Variants in RUNDC3A observed in about 807,000 individuals in gnomAD.
The protein encoded by RUNDC3A is RUN domain containing 3A, also known as RUN domain-containing protein 3A.
RUNDC3A carries 28 observed loss-of-function variants against 53.9 expected under a neutral mutation model. The ratio of observed to expected loss-of-function variants is 0.52; its 90% confidence interval spans 0.38 to 0.71. The LOEUF (loss-of-function observed/expected upper bound fraction) is 0.71, where lower values mean the gene tolerates loss of function less well. RUNDC3A is among the 30% of genes least tolerant of loss of function. The pLI is 0.00. For missense variants in RUNDC3A, 491 were observed against 597.3 expected, an observed-to-expected ratio of 0.82 and a Z score of 1.85; for synonymous variants, 232 against 249.4, an observed-to-expected ratio of 0.93 and a Z score of 0.66.
chr17:44,314,631 C>G (rs2047815732), intron 4 of RUNDC3A, 104 bp from the exon 5 acceptor site: 1 of 1,496,222 alleles, frequency 6.7e-7, no homozygotes, highest in Non-Finnish European at 8.9e-7. Context: ...GAGAATTGGC[C>G]TTCCTTCAGG....
chr17:44,308,754 C>G lies in RUNDC3A; in HGVS notation c.-79C>G. The G allele has an allele frequency of 1.0e-6, 1 of 973,826 alleles. No homozygotes were observed. The highest frequency in any genetic ancestry group is 1.5e-6 in the Non-Finnish European group (1 of 665,010). 60.3% of individuals were successfully genotyped at this position (973,826 alleles called of 1,614,324 possible). On this transcript the variant is annotated 5_prime_UTR_variant, in exon 1 of 11. Transcript: ENST00000426726. ...GGGCCCCGTCGGACAGAGGGCCCAG[C>G]CGTGATCCAGCGACGGGTTTGGGGC...
chr17:44,316,415 T>C lies in RUNDC3A; in HGVS notation c.984T>C (p.Pro328=). The C allele has an allele frequency of 6.2e-7, 1 of 1,613,598 alleles. No individual in the cohort carries two copies. Among genetic ancestry groups the C allele is most frequent in the Non-Finnish European group, 8.5e-7 (1 of 1,179,754 alleles). ...LTGLIPSDHA[P]LAQGSKELTT... ...GTCTGATCCCCAGTGACCACGCCCC[T>C]CTGGCCCAGGGTTCCAAGGAGCTCA... is the stretch of plus-strand genomic sequence containing the variant. Residue 328 remains proline, a synonymous_variant, in exon 9 of 11, where the codon CCT becomes CCC. Coordinates refer to ENST00000426726, the MANE Select transcript of RUNDC3A (RefSeq NM_001144825.2).
Position 44,313,261 on chromosome 17 carries a change from C to A in RUNDC3A, c.372+9C>A. ...GCACAGCCCGGGCCAAGGTGAGGGG[C>A]CTGAAGCAAGCAACTGCTCTCTGCT... On this transcript the variant is annotated intron_variant, in intron 3 of 10. Coordinates refer to ENST00000426726, the MANE Select transcript of RUNDC3A (RefSeq NM_001144825.2). 3 of 1,613,652 alleles carry A rather than the reference C, an allele frequency of 1.9e-6. No individual in the cohort carries two copies. The highest frequency in any genetic ancestry group is 2.5e-6 in the Non-Finnish European group (3 of 1,179,636).
At position 44,318,558 on chromosome 17, in the gene RUNDC3A, T is replaced by C. The variant is rs2047921964; in HGVS notation, c.*320T>C. On this transcript the variant is annotated 3_prime_UTR_variant, in exon 11 of 11. Coordinates refer to ENST00000426726, the MANE Select transcript of RUNDC3A (RefSeq NM_001144825.2). ...CCCCTCAGGAACTGGTGGCCCAGCT[T>C]CCACACCCCCACCTCCCAGTCTCTA... is the stretch of plus-strand genomic sequence containing the variant. 1 of 333,976 alleles carries C rather than the reference T, an allele frequency of 3.0e-6. No individual in the cohort carries two copies. The highest frequency in any genetic ancestry group is 4.1e-5 in the Admixed American group (1 of 24,366). 20.7% of individuals were successfully genotyped at this position (333,976 alleles called of 1,614,324 possible).
intron 1 of RUNDC3A, chr17:44,311,438 G>C: frequency 1.3e-6 from 1 of 750,860 alleles, no homozygotes; most frequent in South Asian, 6.1e-5. Flanking sequence ...CAACCTCTTG[G>C]ACCATCAATT....
intron 1 of RUNDC3A, chr17:44,310,640 T>A: frequency 1.1e-6 from 1 of 939,222 alleles, no homozygotes; most frequent in Non-Finnish European, 1.3e-6. Flanking sequence ...TAGCAGGCCA[T>A]GGGCTCCCCT....
In RUNDC3A at chr17:44,308,687, C is replaced by T; in HGVS notation, c.-146C>T. On this transcript the variant is annotated 5_prime_UTR_variant, in exon 1 of 11. Transcript: ENST00000426726. ...CGGGGGAGGGAGCGAGGGGGCCGGG[C>T]ACCGGGCGCAAAGGCAGGGGGATGG... 1 of 477,672 alleles carries T rather than the reference C, an allele frequency of 2.1e-6. No individual in the cohort carries two copies. Among genetic ancestry groups the T allele is most frequent in the Non-Finnish European group, 3.7e-6 (1 of 273,934 alleles). The allele number at this position is 477,672 out of a possible 1,614,324, so 29.6% of individuals were successfully genotyped here. A position where few individuals can be genotyped will look rare whatever the true frequency, so the allele number is the denominator to read the frequency against.
At chr17:44,316,814 CTT>C in intron 10 of RUNDC3A, 89 bp downstream of exon 10, 1 of 578,466 alleles carries the variant, frequency 1.7e-6, no homozygotes, top group South Asian at 2.2e-5. Context: ...CATTCATTCT[CTT>C]AGTCTTTTTT....
intron 1 of RUNDC3A, among the ~76,000 whole-genome samples, chr17:44,309,324 C>A (rs954199146): frequency 6.6e-6 from 1 of 152,154 alleles, no homozygotes; most frequent in Non-Finnish European, 1.5e-5. Flanking sequence ...AGCATACCCT[C>A]ATTGACACCC....
Position 44,315,663 on chromosome 17 carries a change from CG to C in RUNDC3A, c.953+57del, listed in dbSNP as rs2047848317. 2 of 1,317,534 alleles carry C rather than the reference CG, an allele frequency of 1.5e-6. No individual in the cohort carries two copies. Among genetic ancestry groups the C allele is most frequent in the African/African-American group, 3.1e-5 (2 of 64,532 alleles). 81.6% of individuals were successfully genotyped at this position (1,317,534 alleles called of 1,614,324 possible). A position where few individuals can be genotyped will look rare whatever the true frequency, so the allele number is the denominator to read the frequency against. On this transcript the variant is annotated intron_variant, in intron 8 of 10. Transcript: ENST00000426726. The surrounding 1 kb of genome is among the most constrained non-coding windows in gnomAD (Gnocchi z 6.1). ...ACCCCCGCCGCCCCGACCACATCACCGGGTGAACCCCATCTTCACTTCCATC... is the reference window on the plus strand; with the variant it reads ...ACCCCCGCCGCCCCGACCACATCACCGGTGAACCCCATCTTCACTTCCATC...
intron 10 of RUNDC3A, chr17:44,317,859 G>GT: frequency 1.7e-6 from 1 of 593,792 alleles, no homozygotes; most frequent in South Asian, 2.0e-5. Context: ...CAAAGAGAGA[G>GT]GATGACCCTC....
Position 44,315,679 on chromosome 17 carries a change from T to C in RUNDC3A, c.953+70T>C. 1 of 1,280,002 alleles carries C rather than the reference T, an allele frequency of 7.8e-7. No individual in the cohort carries two copies. The highest frequency in any genetic ancestry group is 1.0e-6 in the Non-Finnish European group (1 of 986,372). 79.3% of individuals were successfully genotyped at this position (1,280,002 alleles called of 1,614,324 possible). On this transcript the variant is annotated intron_variant, in intron 8 of 10. Transcript: ENST00000426726. This position sits in a 1 kb window ranked among gnomAD's most constrained non-coding sequence, Gnocchi z 6.1. The stretch of plus-strand genomic sequence containing the variant: ...CCACATCACCGGGTGAACCCCATCT[T>C]CACTTCCATCGACTCTAACATCACC...
At chr17:44,317,392 C>CT in intron 10 of RUNDC3A, 2 of 770,964 alleles carry the variant, frequency 2.6e-6, no homozygotes, top group Non-Finnish European at 4.9e-6. Flanking sequence ...CTCACAAACT[C>CT]TCGGGGAACT....
rs2047849767 is a variant in RUNDC3A at position 44,315,721 on chromosome 17, C to T, written c.953+112C>T. The T allele has an allele frequency of 2.9e-6, 3 of 1,019,440 alleles. No individual in the cohort carries two copies. The highest frequency in any genetic ancestry group is 3.9e-6 in the Non-Finnish European group (3 of 761,972). 63.1% of individuals were successfully genotyped at this position (1,019,440 alleles called of 1,614,324 possible). On this transcript the variant is annotated intron_variant, in intron 8 of 10. Coordinates refer to ENST00000426726, the MANE Select transcript of RUNDC3A (RefSeq NM_001144825.2). The surrounding 1 kb of genome is among the most constrained non-coding windows in gnomAD (Gnocchi z 6.1). The stretch of plus-strand genomic sequence containing the variant: ...AACATCACCCGACACGAGCACCCAC[C>T]TCTCCAGCATCAACCCTCTGATCCA...
At chr17:44,314,611 G>C (rs1033887074) in intron 4 of RUNDC3A, 124 bp from the exon 5 acceptor site, 163 of 1,472,240 alleles carry the variant, frequency 1.1e-4, no homozygotes, top group Admixed American at 6.8e-5. Flanking sequence ...CCTGCGTGCA[G>C]ATCAGGAAGG....
chr17:44,317,203 A>G (rs997181369), intron 10 of RUNDC3A: 1 of 558,464 alleles, frequency 1.8e-6, no homozygotes, highest in Admixed American at 3.1e-5. Flanking sequence ...TTGAGGTGGC[A>G]GAACACAGCA....
chr17:44,311,288 G>A (rs936848009), intron 1 of RUNDC3A: 5 of 985,408 alleles, frequency 5.1e-6, no homozygotes, highest in African/African-American at 3.5e-5. Context: ...GGGCGGTGGA[G>A]CAGGGGCTGC....
chr17:44,317,909 T>A (rs985822273), intron 10 of RUNDC3A, 187 bp from the exon 11 acceptor site: 13 of 605,026 alleles, frequency 2.1e-5, no homozygotes, highest in Non-Finnish European at 3.5e-5. Flanking sequence ...TACAATACAG[T>A]GTCCCCAGCA....
At chr17:44,309,309 C>G (rs1016925899) in intron 1 of RUNDC3A, among the ~76,000 whole-genome samples, 1 of 152,162 alleles carries the variant, frequency 6.6e-6, no homozygotes, top group African/African-American at 2.4e-5. Flanking sequence ...GATGAATGCC[C>G]TCCAAGCATA....
Sources: allele counts gnomAD v4.1 joint callset (sites outside exome capture counted in the v4.1 genomes callset), GRCh38; gene constraint gnomAD v4.1.1; non-coding constraint Gnocchi (gnomAD v3.1); transcripts MANE v1.5; gene names NCBI Gene and HGNC (gene_info 2026-07-23, HGNC 2026-07-21).